CYP24A1: variants seen among roughly 807,000 people sequenced by gnomAD.
CYP24A1 encodes the protein cytochrome P450 family 24 subfamily A member 1.
Under a neutral mutation model 62.4 loss-of-function variants are expected in CYP24A1, and 68 were observed. The ratio of observed to expected loss-of-function variants is 1.09; its 90% CI spans 0.90 to 1.33. The LOEUF (loss-of-function observed/expected upper bound fraction) is 1.33. Ranked by LOEUF, CYP24A1 falls within the 40% of genes most tolerant of loss-of-function variation. The pLI is 0.00. For missense variants in CYP24A1, 787 were observed against 653.0 expected (o/e 1.21, Z -2.24); for synonymous variants, 267 against 253.0 (o/e 1.06, Z -0.52).
intron 11 of CYP24A1, among the ~76,000 whole-genome samples, chr20:54,156,210 A>C (rs2092627398): frequency 6.6e-6 from 1 of 152,188 alleles, no homozygotes. Context: ...GATCTCCTAA[A>C]ATGTGAATGC....
chr20:54,153,071 C>T (rs949759625), downstream of CYP24A1, among the ~76,000 whole-genome samples: 1 of 152,074 alleles, frequency 6.6e-6, no homozygotes, highest in Admixed American at 6.5e-5. Context: ...TGAAATGGTT[C>T]GTAACCTCTA....
chr20:54,164,552 C>T lies in CYP24A1; in HGVS notation c.744G>A (p.Thr248=), dbSNP rs6068816. 0.11 allele frequency: 179,822 copies of T among 1,614,026 alleles called. 12,269 individuals are homozygous for T. The highest frequency in any genetic ancestry group is 0.38 in the East Asian group (16,959 of 44,854). The part of the protein sequence containing the change: ...FIMAIKTMMS[T]FGRMMVTPVE... ...CTGGAGTGACCATCATCCTCCCAAA[C>T]GTGCTCATCATCTGAGAGAAATGCA... Residue 248 remains threonine (T), a synonymous_variant, in exon 6 of 12, where the codon ACG becomes ACA. Coordinates refer to ENST00000216862, the MANE Select transcript of CYP24A1 (RefSeq NM_000782.5).
intron 2 of CYP24A1, 183 bp downstream of exon 2, chr20:54,172,726 G>T (rs1445927497): frequency 5.0e-6 from 7 of 1,390,504 alleles, no homozygotes; most frequent in Non-Finnish European, 6.7e-6. Flanking sequence ...GCTTTTCCGT[G>T]GACCGACTCT....
intron 7 of CYP24A1, 64 bp from the exon 8 acceptor site, chr20:54,159,187 GA>G: frequency 1.3e-5 from 17 of 1,340,676 alleles, no homozygotes; most frequent in East Asian, 2.3e-5. Flanking sequence ...ACTATTAGCT[GA>G]AAAAAAGGTG....
intron 4 of CYP24A1, among the ~76,000 whole-genome samples, 179 bp downstream of exon 4, chr20:54,169,413 C>A (rs2092685943): frequency 6.6e-6 from 1 of 152,126 alleles, no homozygotes; most frequent in Admixed American, 6.5e-5. Context: ...TTGTATGACT[C>A]ATTAACAATC....
Position 54,162,220 on chromosome 20 carries a change from C to CTTTTGTTTTTTTTTTTT in CYP24A1, c.990+496_990+497insAAAAAAAAAAAACAAAA, listed in dbSNP as rs1568968780. Among the ~76,000 whole-genome samples, 3 of 72,534 alleles carry CTTTTGTTTTTTTTTTTT rather than the reference C, an allele frequency of 4.1e-5. 1 individual carries two copies. 47.6% of individuals were successfully genotyped at this position (72,534 alleles called of 152,430 possible). A position where few individuals can be genotyped will look rare whatever the true frequency, so the allele number is the denominator to read the frequency against. On this transcript the variant is annotated intron_variant, in intron 7 of 11. Transcript: ENST00000216862. ...ATTATTGGCTTGAAAGAGAGTATGC[C>CTTTTGTTTTTTTTTTTT]TTTTTTTTTTTTTTTTTTTTTTTTT...
intron 5 of CYP24A1, 40 bp downstream of exon 5, chr20:54,165,702 C>T (rs776858400): frequency 3.0e-5 from 29 of 978,764 alleles, no homozygotes; most frequent in Middle Eastern, 2.1e-4. Flanking sequence ...ATCTGTAAAA[C>T]ATCAATCAAG....
At chr20:54,157,654 C>A in intron 9 of CYP24A1, 69 bp from the exon 10 acceptor site, 1 of 917,498 alleles carries the variant, frequency 1.1e-6, no homozygotes, top group Non-Finnish European at 1.8e-6. Flanking sequence ...AAAATTGACA[C>A]AAGTTGTCAC....
intron 6 of CYP24A1, among the ~76,000 whole-genome samples, chr20:54,163,661 A>G (rs2092660673): frequency 6.6e-6 from 1 of 152,258 alleles, no homozygotes; most frequent in Admixed American, 6.5e-5. Context: ...TGTGTAAGTG[A>G]ACAATGCCTA....
chr20:54,157,700 T>G, intron 9 of CYP24A1, 115 bp from the exon 10 acceptor site: 1 of 776,444 alleles, frequency 1.3e-6, no homozygotes, highest in Non-Finnish European at 2.3e-6. Flanking sequence ...AAATTTATAA[T>G]AATGATGGTT....
the CYP24A1 span, among the ~76,000 whole-genome samples, chr20:54,143,684 C>G: frequency 6.6e-6 from 1 of 150,404 alleles, no homozygotes; most frequent in African/African-American, 2.4e-5. Flanking sequence ...TGATAGAGAT[C>G]CAGGATTAAA....
rs151285303 is a variant in CYP24A1, at chr20:54,165,709, C to G, written c.732+33G>C. The G allele has an allele frequency of 2.3e-3, 2,453 of 1,050,316 alleles. 60 individuals carry two copies. In the East Asian group the frequency reaches 0.054, roughly 23 times the overall value. The allele number at this position is 1,050,316 out of a possible 1,614,324, so 65.1% of individuals were successfully genotyped here. On this transcript the variant is annotated intron_variant, in intron 5 of 11. Coordinates refer to ENST00000216862, the MANE Select transcript of CYP24A1 (RefSeq NM_000782.5). ...AAAAATCGATCTGTAAAACATCAAT[C>G]AAGAAAACTGCTTTCTTAAAGAGGC...
At chr20:54,168,836 C>T (rs1263251778) in intron 4 of CYP24A1, among the ~76,000 whole-genome samples, 1 of 50,780 alleles carries the variant, frequency 2.0e-5, no homozygotes, top group Non-Finnish European at 4.3e-5. Flanking sequence ...CCTTCCCTCC[C>T]TCCCTCCCTT....
At chr20:54,172,834 C>T in intron 2 of CYP24A1, 75 bp downstream of exon 2, 3 of 1,607,306 alleles carry the variant, frequency 1.9e-6, no homozygotes, top group Non-Finnish European at 2.5e-6. Context: ...TCTAACTCCG[C>T]CTCTTCACAA....
chr20:54,155,736 C>CA (rs10558076), intron 11 of CYP24A1, among the ~76,000 whole-genome samples: 30 of 120,386 alleles, frequency 2.5e-4, no homozygotes, highest in South Asian at 5.3e-4. Flanking sequence ...GACACTGTCT[C>CA]AAAAAAAAAA....
chr20:54,160,749 C>T (rs1031925882), intron 7 of CYP24A1, among the ~76,000 whole-genome samples: 1 of 152,168 alleles, frequency 6.6e-6, no homozygotes, highest in African/African-American at 2.4e-5. Flanking sequence ...TCAGTGAGTC[C>T]CTCACCGCAA....
Position 54,171,650 on chromosome 20 carries a change from C to G in CYP24A1, c.470G>C (p.Arg157Pro), listed in dbSNP as rs35051736. Residue 157 changes from arginine (R) to proline (P), a missense_variant, in exon 3 of 12, where the codon CGG becomes CCG. Physicochemically the swap from Arg to Pro is moderately radical, Grantham distance 103. Coordinates refer to ENST00000216862, the MANE Select transcript of CYP24A1 (RefSeq NM_000782.5). ...LLILEGEDWQ[R>P]VRSAFQKKLM... ...TTTCTTTTGAAAGGCACTCCGGACC[C>G]GCTGCCAGTCTTCCCCTTCCCTGTG... is the stretch of plus-strand genomic sequence containing the variant. The G allele has an allele frequency of 6.2e-7, 1 of 1,613,850 alleles. No individual in the cohort carries two copies.
At chr20:54,164,768 G>C (rs949544271) in intron 5 of CYP24A1, among the ~76,000 whole-genome samples, 1 of 150,878 alleles carries the variant, frequency 6.6e-6, no homozygotes, top group Non-Finnish European at 1.5e-5. Context: ...TGAAGGTAAT[G>C]TGGGGGATGA....
chr20:54,156,258 GA>G (rs1244994167), intron 11 of CYP24A1, among the ~76,000 whole-genome samples: 8 of 151,812 alleles, frequency 5.3e-5, no homozygotes, highest in African/African-American at 1.9e-4. Flanking sequence ...TACCTTATAT[GA>G]AAAAAAGGGC....
Sources: gnomAD v4.1 joint callset for allele counts (sites outside exome capture counted in the v4.1 genomes callset) on GRCh38, gnomAD v4.1.1 for gene constraint, MANE v1.5 for transcripts, NCBI Gene and HGNC (gene_info 2026-07-23, HGNC 2026-07-21) for gene names.